TSPAN18: variants seen among roughly 807,000 people sequenced by gnomAD.
TSPAN18 encodes tetraspanin-18.
A neutral mutation model predicts 27.3 loss-of-function variants in TSPAN18; 14 were observed. That is an observed-to-expected ratio of 0.51 (90% confidence interval 0.34 to 0.80). The LOEUF (loss-of-function observed/expected upper bound fraction) is 0.80, where lower values mean the gene tolerates loss of function less well. Among genes scored for constraint, TSPAN18 ranks in the 30% least tolerant of loss-of-function variants. The probability of loss-of-function intolerance (pLI) is 0.01; values close to 1 mark genes in which losing one functional copy is unlikely to be tolerated. For missense variants in TSPAN18, 268 were observed against 323.9 expected (o/e 0.83, Z 1.32); for synonymous variants, 143 against 136.5 (o/e 1.05, Z -0.33).
At chr11:44,745,486 T>C (rs1260938857) in intron 1 of TSPAN18, among the ~76,000 whole-genome samples, 1 of 152,186 alleles carries the variant, frequency 6.6e-6, no homozygotes, top group African/African-American at 2.4e-5. Flanking sequence ...ATTCTACTTA[T>C]ATAAAGTTCA....
At chr11:44,870,097 A>G (rs1223616137) in intron 3 of TSPAN18, among the ~76,000 whole-genome samples, 1 of 152,266 alleles carries the variant, frequency 6.6e-6, no homozygotes, top group Non-Finnish European at 1.5e-5. Flanking sequence ...TTATAGAGGT[A>G]TAATTTACAC....
intron 2 of TSPAN18, among the ~76,000 whole-genome samples, chr11:44,820,528 C>G (rs562402438): frequency 4.6e-5 from 7 of 152,358 alleles, no homozygotes; most frequent in Admixed American, 4.6e-4. Flanking sequence ...TGATTGAATC[C>G]TGTTTTGGCC....
intron 5 of TSPAN18, among the ~76,000 whole-genome samples, chr11:44,911,219 G>A (rs1293187991): frequency 6.6e-6 from 1 of 152,206 alleles, no homozygotes; most frequent in African/African-American, 2.4e-5. Flanking sequence ...TTCGTGGGCG[G>A]AGTTAAATGA....
chr11:44,846,651 G>A (rs904625416), intron 2 of TSPAN18, among the ~76,000 whole-genome samples: 1 of 151,222 alleles, frequency 6.6e-6, no homozygotes, highest in Non-Finnish European at 1.5e-5. Context: ...CCTGTGCTGG[G>A]GCCAACCCTA....
At chr11:44,891,666 C>T (rs905692662) in intron 3 of TSPAN18, among the ~76,000 whole-genome samples, 2 of 152,110 alleles carry the variant, frequency 1.3e-5, no homozygotes, top group Admixed American at 6.5e-5. Context: ...CTGCTGTGGC[C>T]GTCAGCCCAT....
intron 6 of TSPAN18, 115 bp from the exon 7 acceptor site, chr11:44,919,099 C>A: frequency 1.2e-6 from 1 of 812,944 alleles, no homozygotes; most frequent in Non-Finnish European, 2.1e-6. Context: ...CACCAGGATG[C>A]AGAGCCCCTA....
chr11:44,929,426 A>C lies in TSPAN18; in HGVS notation c.*248A>C, dbSNP rs704671. Reference sequence around the variant, plus strand: ...CGTGGGTTCTCCAGAGACCCCAGCAACTGGCCCAGGATGCAGGCTGCTCTA... The same window carrying C: ...CGTGGGTTCTCCAGAGACCCCAGCACCTGGCCCAGGATGCAGGCTGCTCTA... On this transcript the variant is annotated 3_prime_UTR_variant, in exon 10 of 10. Transcript: ENST00000520358. 0.87 allele frequency: 480,929 copies of C among 552,544 alleles called. 210,163 individuals are homozygous for C. The highest frequency in any genetic ancestry group is 0.89 in the African/African-American group (47,067 of 52,774). The allele number at this position is 552,544 out of a possible 1,614,324, so 34.2% of individuals were successfully genotyped here.
chr11:44,782,234 T>TA (rs1855954207), intron 2 of TSPAN18, among the ~76,000 whole-genome samples: 1 of 152,024 alleles, frequency 6.6e-6, no homozygotes, highest in East Asian at 1.9e-4. Context: ...CATCATAGGG[T>TA]AGGTGTATGT....
intron 3 of TSPAN18, among the ~76,000 whole-genome samples, chr11:44,891,507 C>G (rs943737269): frequency 3.9e-5 from 6 of 152,210 alleles, no homozygotes; most frequent in South Asian, 2.1e-4. Flanking sequence ...GAAACCCAGG[C>G]TCTGGTTAGC....
At chr11:44,927,440 C>G (rs915702268) in intron 9 of TSPAN18, among the ~76,000 whole-genome samples, 6 of 152,172 alleles carry the variant, frequency 3.9e-5, no homozygotes, top group African/African-American at 1.4e-4. Context: ...CCTCGGCCTG[C>G]GGGGGAAGGA....
rs889821416 is a variant in TSPAN18, at chr11:44,930,744, A to G, written c.*1566A>G. On this transcript the variant is annotated 3_prime_UTR_variant, in exon 10 of 10. Coordinates refer to ENST00000520358, the MANE Select transcript of TSPAN18 (RefSeq NM_130783.5). ...GGGCTCAGTGGGAGACGGCAGTGCA[A>G]TCCTGATGAGTGATGTCTGCCAGGC... 2.1e-5 allele frequency: 9 copies of G among 427,102 alleles called. No homozygotes were observed. Among genetic ancestry groups the G allele is most frequent in the Non-Finnish European group, 3.8e-5 (8 of 209,146 alleles). The allele number at this position is 427,102 out of a possible 1,614,324, so 26.5% of individuals were successfully genotyped here.
chr11:44,805,184 A>G (rs765333889), intron 2 of TSPAN18, among the ~76,000 whole-genome samples: 1 of 152,216 alleles, frequency 6.6e-6, no homozygotes, highest in Non-Finnish European at 1.5e-5. Flanking sequence ...ATTTTCATAA[A>G]GACAAATCAA....
intron 2 of TSPAN18, among the ~76,000 whole-genome samples, chr11:44,772,415 CGT>C (rs1412529651): frequency 5.6e-5 from 4 of 71,186 alleles, no homozygotes; most frequent in African/African-American, 5.2e-5. Flanking sequence ...AGTAAACAAC[CGT>C]TATGACATGG....
chr11:44,802,793 C>T (rs2135073750), intron 2 of TSPAN18, among the ~76,000 whole-genome samples: 1 of 152,266 alleles, frequency 6.6e-6, no homozygotes, highest in East Asian at 1.9e-4. Context: ...ATAGTGAAAG[C>T]AAAATAATAC....
intron 2 of TSPAN18, among the ~76,000 whole-genome samples, chr11:44,847,157 C>G (rs1477462336): frequency 2.0e-5 from 3 of 152,076 alleles, no homozygotes; most frequent in Admixed American, 2.0e-4. Context: ...AGCCAAGGCT[C>G]TAGAAGGATG....
At chr11:44,850,243 T>G (rs1857569073) in intron 2 of TSPAN18, among the ~76,000 whole-genome samples, 1 of 152,192 alleles carries the variant, frequency 6.6e-6, no homozygotes, top group Non-Finnish European at 1.5e-5. Flanking sequence ...TCGAGTGATA[T>G]GTAGATACAT....
intron 2 of TSPAN18, among the ~76,000 whole-genome samples, chr11:44,807,215 AAAAAAAAAAAAAAAAAAAAAAG>A (rs1269975739): frequency 1.4e-4 from 8 of 55,770 alleles, no homozygotes; most frequent in African/African-American, 2.6e-4. Flanking sequence ...AAAAAAAAAA[AAAAAAAAAAAAAAAAAAAAAAG>A]AAGGAAAGAG....
At chr11:44,749,632 C>CTTTTTTTTTT (rs71894571) in intron 1 of TSPAN18, among the ~76,000 whole-genome samples, 11 of 110,442 alleles carry the variant, frequency 1.0e-4, no homozygotes, top group East Asian at 6.8e-4. Context: ...GTGGAACTTT[C>CTTTTTTTTTT]TTTTTTTTTT....
chr11:44,757,257 GTTATTTT>G (rs1312037426), intron 1 of TSPAN18, among the ~76,000 whole-genome samples: 10 of 151,714 alleles, frequency 6.6e-5, no homozygotes, highest in Non-Finnish European at 1.2e-4. Context: ...GCCAACACTT[GTTATTTT>G]TTATTTTTTA....
Sources: gnomAD v4.1 joint callset for allele counts (sites outside exome capture counted in the v4.1 genomes callset) on GRCh38, gnomAD v4.1.1 for gene constraint, MANE v1.5 for transcripts, NCBI Gene and HGNC (gene_info 2026-07-23, HGNC 2026-07-21) for gene names.